EMILIN2: variants seen among roughly 807,000 people sequenced by gnomAD.
EMILIN2 encodes the protein elastin microfibril interfacer 2, also known as EMILIN-2.
EMILIN2 carries 71 observed loss-of-function variants against 87.1 expected under a neutral mutation model. The ratio of observed to expected loss-of-function variants is 0.82; its 90% CI spans 0.67 to 0.99. The LOEUF (loss-of-function observed/expected upper bound fraction) is 0.99. Ranked by LOEUF, EMILIN2 falls within the 50% of genes least tolerant of loss-of-function variation. EMILIN2 has a pLI of 0.00. For synonymous variants in EMILIN2, 581 were observed against 563.4 expected, an observed-to-expected ratio of 1.03 and a Z score of -0.44; for missense variants, 1,407 against 1,371.8, an observed-to-expected ratio of 1.03 and a Z score of -0.40.
chr18:2,903,504 C>T (rs2076897193), intron 4 of EMILIN2, among the ~76,000 whole-genome samples: 1 of 152,160 alleles, frequency 6.6e-6, no homozygotes, highest in Non-Finnish European at 1.5e-5. Flanking sequence ...CTCCGTATTT[C>T]TAAATTGATT....
chr18:2,887,477 T>G (rs2076808668), intron 3 of EMILIN2, among the ~76,000 whole-genome samples: 1 of 104,608 alleles, frequency 9.6e-6, no homozygotes, highest in African/African-American at 4.1e-5. Flanking sequence ...CTTGCGGTAA[T>G]AAATGAGTTC....
At chr18:2,899,880 C>T (rs1414543265) in intron 4 of EMILIN2, among the ~76,000 whole-genome samples, 3 of 152,222 alleles carry the variant, frequency 2.0e-5, no homozygotes, top group Non-Finnish European at 2.9e-5. Flanking sequence ...CCTTCTCTGT[C>T]GGGGTTCTGT....
intron 2 of EMILIN2, among the ~76,000 whole-genome samples, chr18:2,852,443 G>T (rs1379746873): frequency 1.3e-5 from 2 of 152,186 alleles, no homozygotes; most frequent in African/African-American, 4.8e-5. Context: ...TTAAAAGCAG[G>T]CTTCCAGAAA....
chr18:2,912,284 G>A (rs1363144415), intron 7 of EMILIN2, among the ~76,000 whole-genome samples: 1 of 151,986 alleles, frequency 6.6e-6, no homozygotes, highest in Non-Finnish European at 1.5e-5. Context: ...CAGGTGATCT[G>A]CCCACCTTGG....
chr18:2,910,373 C>T (rs1198003031), intron 7 of EMILIN2, among the ~76,000 whole-genome samples: 1 of 152,212 alleles, frequency 6.6e-6, no homozygotes, highest in Non-Finnish European at 1.5e-5. Context: ...CCCCCTGCCC[C>T]GGGTTGTTGC....
Position 2,891,809 on chromosome 18 carries a change from C to T in EMILIN2, c.1682C>T (p.Pro561Leu), listed in dbSNP as rs544369347. ...DICLLNIQGK[P>L]HGMEGALPNR... Reference sequence around the variant, plus strand: ...TGCCTGCTGAACATCCAGGGAAAGCCTCATGGGATGGAAGGTGCCTTGCCA... The same window carrying T: ...TGCCTGCTGAACATCCAGGGAAAGCTTCATGGGATGGAAGGTGCCTTGCCA... Residue 561 changes from proline to leucine, a missense_variant, in exon 4 of 8, where the codon CCT (proline) becomes CTT (leucine). Physicochemically the swap from Pro to Leu is moderately conservative, Grantham distance 98. Coordinates refer to ENST00000254528, the MANE Select transcript of EMILIN2 (RefSeq NM_032048.3). The surrounding 1 kb of genome is among the most constrained non-coding windows in gnomAD (Gnocchi z 4.6). 98 of 1,614,198 alleles carry T rather than the reference C, an allele frequency of 6.1e-5. 2 individuals carry two copies. In the South Asian group the frequency reaches 9.8e-4, roughly 16 times the overall value.
intron 2 of EMILIN2, among the ~76,000 whole-genome samples, chr18:2,879,528 GCAC>G: frequency 6.6e-6 from 1 of 151,890 alleles, no homozygotes; most frequent in East Asian, 2.0e-4. Flanking sequence ...AGGCGTGGTG[GCAC>G]ATGCCTGTAA....
chr18:2,857,430 A>G (rs910617163), intron 2 of EMILIN2, among the ~76,000 whole-genome samples: 5 of 152,226 alleles, frequency 3.3e-5, no homozygotes, highest in African/African-American at 1.2e-4. Flanking sequence ...GTTTCCCTAC[A>G]TCTGCTTGAC....
chr18:2,883,135 G>T (rs916412454), intron 2 of EMILIN2, among the ~76,000 whole-genome samples: 2 of 152,102 alleles, frequency 1.3e-5, no homozygotes, highest in African/African-American at 2.4e-5. Flanking sequence ...TGTCGGCAGG[G>T]CCCTCTTGGG....
chr18:2,913,605 G>T lies in EMILIN2; in HGVS notation c.*201G>T. On this transcript the variant is annotated 3_prime_UTR_variant, in exon 8 of 8. Coordinates refer to ENST00000254528, the MANE Select transcript of EMILIN2 (RefSeq NM_032048.3). Reference sequence around the variant, plus strand: ...GGGAGTGAGGCACACGGTGAACATGGCCACTGACTTTTCTGCCACTCTAAC... The same window carrying T: ...GGGAGTGAGGCACACGGTGAACATGTCCACTGACTTTTCTGCCACTCTAAC... 1.3e-5 allele frequency: 7 copies of T among 542,530 alleles called. No homozygotes were observed. Among genetic ancestry groups the T allele is most frequent in the East Asian group, 6.4e-5 (2 of 31,484 alleles). 33.6% of individuals were successfully genotyped at this position (542,530 alleles called of 1,614,324 possible). A position where few individuals can be genotyped will look rare whatever the true frequency, so the allele number is the denominator to read the frequency against.
Position 2,847,318 on chromosome 18 carries a change from A to C in EMILIN2, c.130A>C (p.Asn44His). 1 of 1,317,708 alleles carries C rather than the reference A, an allele frequency of 7.6e-7. No individual in the cohort carries two copies. Among genetic ancestry groups the C allele is most frequent in the Non-Finnish European group, 9.6e-7 (1 of 1,036,698 alleles). The allele number at this position is 1,317,708 out of a possible 1,614,324, so 81.6% of individuals were successfully genotyped here. A position where few individuals can be genotyped will look rare whatever the true frequency, so the allele number is the denominator to read the frequency against. ...GTATCCCGCGCGGCCCAGCGCCAGG[A>C]ACAAGTAAGTGCGCGCCCCTTGGCT... ...PGYPARPSARNKNWCAYIVNK... is the reference protein window; with the variant it reads ...PGYPARPSARHKNWCAYIVNK... Residue 44 changes from asparagine to histidine, a missense_variant, in exon 1 of 8, where the codon AAC (asparagine) becomes CAC (histidine). Transcript: ENST00000254528. The surrounding 1 kb of genome is among the most constrained non-coding windows in gnomAD (Gnocchi z 4.5).
chr18:2,873,562 C>G (rs1050343914), intron 2 of EMILIN2, among the ~76,000 whole-genome samples: 2 of 151,574 alleles, frequency 1.3e-5, no homozygotes, highest in African/African-American at 4.9e-5. Context: ...AAAAAATTAG[C>G]CGGGCGTGGT....
At chr18:2,888,729 AAAG>A (rs1420352841) in intron 3 of EMILIN2, among the ~76,000 whole-genome samples, 5 of 151,424 alleles carry the variant, frequency 3.3e-5, no homozygotes, top group African/African-American at 1.2e-4. Flanking sequence ...AAAAAAAAAA[AAAG>A]AGAGAGAGAG....
chr18:2,906,950 G>A lies in EMILIN2; in HGVS notation c.2527G>A (p.Gly843Arg), dbSNP rs2076916589. ...GCCGCCCCAGCCGCCAGGCTCCACC[G>A]GGGTCATCGCGGAGACGGGCCAGGC... ...ERPPQPPGST[G>R]VIAETGQAGP... Residue 843 changes from glycine (G) to arginine (R), a missense_variant, in exon 5 of 8, where the codon GGG (glycine) becomes AGG (arginine). Transcript: ENST00000254528. The A allele has an allele frequency of 2.8e-6, 4 of 1,406,546 alleles. No individual in the cohort carries two copies. The highest frequency in any genetic ancestry group is 3.1e-5 in the East Asian group (1 of 31,990). The allele number at this position is 1,406,546 out of a possible 1,614,324, so 87.1% of individuals were successfully genotyped here.
chr18:2,912,396 T>C (rs113675086), intron 7 of EMILIN2, among the ~76,000 whole-genome samples: 13 of 152,264 alleles, frequency 8.5e-5, no homozygotes, highest in African/African-American at 2.9e-4. Flanking sequence ...CTTGGCTTGT[T>C]GTCAGCGGCA....
intron 2 of EMILIN2, among the ~76,000 whole-genome samples, chr18:2,863,706 G>T (rs149177574): frequency 6.6e-6 from 1 of 152,094 alleles, no homozygotes; most frequent in East Asian, 1.9e-4. Flanking sequence ...GTTGATTTGG[G>T]GTGGAGAGTT....
At chr18:2,900,288 T>C (rs4798042) in intron 4 of EMILIN2, among the ~76,000 whole-genome samples, 118,692 of 152,188 alleles carry the variant, frequency 0.78, 46,333 homozygotes, top group East Asian at 0.86. Context: ...CCTGGGCTCA[T>C]GCTATCCTCC....
Position 2,908,963 on chromosome 18 carries a change from G to A in EMILIN2, c.2683G>A (p.Val895Ile). The change falls in exon 6 of 8, where the codon GTA becomes ATA. Residue 895 changes from valine (V) to isoleucine (I), a missense_variant. Val to Ile is a conservative substitution (Grantham distance 29). Coordinates refer to ENST00000254528, the MANE Select transcript of EMILIN2 (RefSeq NM_032048.3). ...GAPGYPKSPP[V>I]ASPGAPVPSL... is the part of the protein sequence containing the mutation. ...TTCAGGATACCCGAAGTCACCTCCT[G>A]TAGCTTCCCCAGGTATGTCTGCTGA... 1.2e-6 allele frequency: 2 copies of A among 1,613,470 alleles called. No individual in the cohort carries two copies. The highest frequency in any genetic ancestry group is 1.7e-6 in the Non-Finnish European group (2 of 1,180,008).
intron 3 of EMILIN2, among the ~76,000 whole-genome samples, chr18:2,885,961 G>A (rs1282871899): frequency 6.6e-6 from 1 of 152,212 alleles, no homozygotes; most frequent in Non-Finnish European, 1.5e-5. Context: ...TGTAAAAATA[G>A]ATTTTAAAAT....
Sources: allele counts gnomAD v4.1 joint callset (sites outside exome capture counted in the v4.1 genomes callset), GRCh38; gene constraint gnomAD v4.1.1; non-coding constraint Gnocchi (gnomAD v3.1); transcripts MANE v1.5; gene names NCBI Gene and HGNC (gene_info 2026-07-23, HGNC 2026-07-21).